TNS1: variants seen among roughly 807,000 people sequenced by gnomAD.
The protein encoded by TNS1 is tensin 1.
TNS1 carries 62 observed loss-of-function variants against 168.6 expected under a neutral mutation model. That is an observed-to-expected ratio of 0.37 (90% CI 0.30 to 0.45). The LOEUF (loss-of-function observed/expected upper bound fraction) is 0.45, where lower values mean the gene tolerates loss of function less well. Among genes scored for constraint, TNS1 ranks in the 20% least tolerant of loss-of-function variants. TNS1 has a pLI of 1.00. For synonymous variants in TNS1, 934 were observed against 933.2 expected (o/e 1.00, Z -0.02); for missense variants, 2,240 against 2,339.4 (o/e 0.96, Z 0.88).
intron 18 of TNS1, among the ~76,000 whole-genome samples, chr2:217,872,027 T>C (rs764290170): frequency 2.4e-4 from 36 of 152,264 alleles, no homozygotes; most frequent in Non-Finnish European, 3.7e-4. Context: ...GTTGGAATCC[T>C]GCCTTCACCA....
intron 16 of TNS1, among the ~76,000 whole-genome samples, chr2:217,883,072 A>C (rs542906486): frequency 6.6e-6 from 1 of 152,318 alleles, no homozygotes; most frequent in South Asian, 2.1e-4. Flanking sequence ...CTGGGTCTAC[A>C]GGCGTGAGCC....
At chr2:217,998,316 C>T (rs1326369856) in intron 1 of TNS1, among the ~76,000 whole-genome samples, 1 of 152,018 alleles carries the variant, frequency 6.6e-6, no homozygotes, top group Admixed American at 6.5e-5. Flanking sequence ...TGCAGGCTGC[C>T]CACATTTCTG....
intron 32 of TNS1, among the ~76,000 whole-genome samples, chr2:217,805,722 AC>A (rs1938830093): frequency 1.0e-5 from 1 of 96,274 alleles, no homozygotes; most frequent in African/African-American, 3.9e-5. Context: ...CCACACACAC[AC>A]CACTGCACAC....
In TNS1 at chr2:217,835,242, T is replaced by C; in HGVS notation, c.3205-76A>G. 1.3e-5 allele frequency: 18 copies of C among 1,385,496 alleles called. No individual in the cohort carries two copies. In the South Asian group the frequency reaches 2.3e-4, roughly 18 times the overall value. 85.8% of individuals were successfully genotyped at this position (1,385,496 alleles called of 1,614,324 possible). A position where few individuals can be genotyped will look rare whatever the true frequency, so the allele number is the denominator to read the frequency against. Reference sequence around the variant, plus strand: ...TTTCCCCTTCAGATGACCTGAGGTATGAGGACAGTGAGTTAACCAGCCCCC... The same window carrying C: ...TTTCCCCTTCAGATGACCTGAGGTACGAGGACAGTGAGTTAACCAGCCCCC... On this transcript the variant is annotated intron_variant, in intron 20 of 32. Coordinates refer to ENST00000682258, the MANE Select transcript of TNS1 (RefSeq NM_001387777.1).
rs552689413 is a variant in TNS1 at position 217,840,364 on chromosome 2, C to G, written c.3008-4153G>C. Among the ~76,000 whole-genome samples the G allele has an allele frequency of 3.3e-4, 51 of 152,362 alleles. 2 individuals are homozygous for G. The highest frequency in any genetic ancestry group is 1.2e-3 in the African/African-American group (50 of 41,584). On this transcript the variant is annotated intron_variant, in intron 19 of 32. Transcript: ENST00000682258. ...AGATGTTAGTGGACGGCATCATTCT[C>G]AAATGAATTACTGTGACCCCAGTGA...
At chr2:217,903,721 C>A in intron 6 of TNS1, 1 of 918,670 alleles carries the variant, frequency 1.1e-6, no homozygotes, top group East Asian at 2.6e-5. Flanking sequence ...ATCTAACCCT[C>A]ATCCTTCCTG....
chr2:217,866,215 A>T (rs1349438203), intron 18 of TNS1, among the ~76,000 whole-genome samples: 1 of 152,350 alleles, frequency 6.6e-6, no homozygotes, highest in East Asian at 1.9e-4. Context: ...ACTAGGAGCC[A>T]AAGAGCCAGA....
At chr2:217,818,785 G>A (rs1398010433) in intron 23 of TNS1, 26 bp from the exon 24 acceptor site, 6 of 1,569,734 alleles carry the variant, frequency 3.8e-6, no homozygotes, top group Non-Finnish European at 5.2e-6. Context: ...AGGTTGCGAT[G>A]TCAGTGGACA....
intron 3 of TNS1, among the ~76,000 whole-genome samples, chr2:217,950,768 C>T (rs1957221075): frequency 6.6e-6 from 1 of 151,602 alleles, no homozygotes; most frequent in South Asian, 2.1e-4. Flanking sequence ...CCCTCCTCTG[C>T]TGTCACCCGC....
chr2:217,904,787 G>A (rs184775433), intron 6 of TNS1, among the ~76,000 whole-genome samples: 1 of 152,320 alleles, frequency 6.6e-6, no homozygotes, highest in African/African-American at 2.4e-5. Context: ...TCTAGTTGAC[G>A]GGATCCATCT....
At chr2:217,805,168 G>A (rs373119991) in intron 32 of TNS1, among the ~76,000 whole-genome samples, 5 of 151,768 alleles carry the variant, frequency 3.3e-5, no homozygotes, top group South Asian at 2.1e-4. Flanking sequence ...CCCCACACCC[G>A]TTCCCCACCC....
At chr2:217,834,393 T>C (rs2571444) in intron 21 of TNS1, among the ~76,000 whole-genome samples, 28,135 of 152,238 alleles carry the variant, frequency 0.18, 3,290 homozygotes, top group East Asian at 0.38. Context: ...GAGTCCCTCG[T>C]GGCCTGGTAT....
At chr2:217,978,644 A>T in intron 3 of TNS1, 121 bp downstream of exon 3, 2 of 598,456 alleles carry the variant, frequency 3.3e-6, no homozygotes, top group Non-Finnish European at 5.9e-6. Flanking sequence ...GCATAAACAA[A>T]GAGAGGAGGA....
chr2:217,876,455 G>A (rs940882148), intron 18 of TNS1, among the ~76,000 whole-genome samples: 10 of 152,186 alleles, frequency 6.6e-5, no homozygotes, highest in African/African-American at 2.2e-4. Context: ...GAGAGGCAGA[G>A]GTGCCCGCAA....
chr2:218,016,234 C>T (rs1958759021), intron 1 of TNS1, among the ~76,000 whole-genome samples: 1 of 152,072 alleles, frequency 6.6e-6, no homozygotes, highest in Non-Finnish European at 1.5e-5. Flanking sequence ...GGTTGAGAGG[C>T]ACAAGGGGAG....
Position 217,813,593 on chromosome 2 carries a change from C to G in TNS1, c.4861+92G>C, listed in dbSNP as rs1054056707. 6.6e-7 allele frequency: 1 copy of G among 1,510,964 alleles called. No homozygotes were observed. 93.6% of individuals were successfully genotyped at this position (1,510,964 alleles called of 1,614,324 possible). On this transcript the variant is annotated intron_variant, in intron 26 of 32. Coordinates refer to ENST00000682258, the MANE Select transcript of TNS1 (RefSeq NM_001387777.1). The surrounding 1 kb of genome is among the most constrained non-coding windows in gnomAD (Gnocchi z 4.0). ...GAAGAGCCTGATGGGAGTTAAGGTC[C>G]TGCCCAGCACCCTGGGTCCCTCCAG... is the stretch of plus-strand genomic sequence containing the variant.
intron 3 of TNS1, among the ~76,000 whole-genome samples, chr2:217,938,891 G>A (rs892304202): frequency 2.0e-5 from 3 of 152,082 alleles, no homozygotes; most frequent in Admixed American, 6.5e-5. Flanking sequence ...AGACAGAGTG[G>A]GGGAAGAGAA....
intron 1 of TNS1, among the ~76,000 whole-genome samples, chr2:218,015,691 G>A (rs1387862710): frequency 6.6e-6 from 1 of 152,004 alleles, no homozygotes; most frequent in Non-Finnish European, 1.5e-5. Context: ...AGGTCCTCTG[G>A]GCCCCTTTCC....
chr2:217,842,185 T>C, intron 19 of TNS1: 2 of 700,508 alleles, frequency 2.9e-6, no homozygotes, highest in Non-Finnish European at 5.2e-6. Context: ...AACCCCTCGG[T>C]GACATTGCCC....
Sources: gnomAD v4.1 joint callset for allele counts (sites outside exome capture counted in the v4.1 genomes callset) on GRCh38, gnomAD v4.1.1 for gene constraint, Gnocchi (gnomAD v3.1) non-coding constraint, MANE v1.5 for transcripts, NCBI Gene and HGNC (gene_info 2026-07-23, HGNC 2026-07-21) for gene names.